Variants in SIN3A observed in about 807,000 individuals in gnomAD.
The protein encoded by SIN3A is SIN3 transcription regulator family member A.
A neutral mutation model predicts 146.1 loss-of-function variants in SIN3A; 14 were observed. The ratio of observed to expected loss-of-function variants is 0.10; its 90% CI spans 0.06 to 0.15. The LOEUF is 0.15. Among genes scored for constraint, SIN3A ranks in the 10% least tolerant of loss-of-function variants. The probability of loss-of-function intolerance (pLI) is 1.00; values close to 1 mark genes in which losing one functional copy is unlikely to be tolerated. For synonymous variants in SIN3A, 572 were observed against 572.0 expected, an observed-to-expected ratio of 1.00 and a Z score of 0.00; for missense variants, 1,028 against 1,576.0, an observed-to-expected ratio of 0.65 and a Z score of 5.89.
chr15:75,407,265 G>C, intron 8 of SIN3A, 121 bp from the exon 9 acceptor site: 1 of 635,906 alleles, frequency 1.6e-6, no homozygotes, highest in South Asian at 2.1e-5. Context: ...TGAAACAAAT[G>C]AGAGAACTCT....
rs1158645047 is a variant in SIN3A, at chr15:75,384,547, TTGGGGGGG to T, written c.3022-118_3022-111del. The stretch of plus-strand genomic sequence containing the variant: ...CAACTCCAAAAAGGTTTTTCTTTTT[TTGGGGGGG>T]TGGGGGGGTGCTGGCAATTTTAGAA... On this transcript the variant is annotated intron_variant, in intron 16 of 20. Coordinates refer to ENST00000394947, the MANE Select transcript of SIN3A (RefSeq NM_001145358.2). The T allele has an allele frequency of 1.5e-4, 4 of 26,544 alleles. 2 individuals carry two copies. The East Asian group carries it at 4.7e-3, about 31-fold the overall frequency. The allele number at this position is 26,544 out of a possible 1,614,324, so 1.6% of individuals were successfully genotyped here.
Position 75,414,317 on chromosome 15 carries a change from G to C in SIN3A, c.367-6C>G. 1 of 1,443,624 alleles carries C rather than the reference G, an allele frequency of 6.9e-7. No individual in the cohort carries two copies. Among genetic ancestry groups the C allele is most frequent in the South Asian group, 1.6e-5 (1 of 61,726 alleles). The allele number at this position is 1,443,624 out of a possible 1,614,324, so 89.4% of individuals were successfully genotyped here. On this transcript the variant is annotated splice_polypyrimidine_tract_variant and splice_region_variant and intron_variant, in intron 3 of 20. Coordinates refer to ENST00000394947, the MANE Select transcript of SIN3A (RefSeq NM_001145358.2). The stretch of plus-strand genomic sequence containing the variant: ...TAAGATAGCGCATCCTCCACCTGAG[G>C]CAGGGATAAATATCAAGGTTATAAA...
Position 75,371,955 on chromosome 15 carries a change from A to C in SIN3A, c.*24T>G. The C allele has an allele frequency of 6.2e-7, 1 of 1,602,692 alleles. No homozygotes were observed. The highest frequency in any genetic ancestry group is 1.1e-5 in the South Asian group (1 of 90,802). On this transcript the variant is annotated 3_prime_UTR_variant, in exon 21 of 21. Transcript: ENST00000394947. Reference sequence around the variant, plus strand: ...ACACACACATCCCCACACACACCCCAAGTTATCTGCTCTGGCTTTGCAGTT... The same window carrying C: ...ACACACACATCCCCACACACACCCCCAGTTATCTGCTCTGGCTTTGCAGTT...
At chr15:75,379,702 T>C (rs2072929276) in intron 19 of SIN3A, among the ~76,000 whole-genome samples, 1 of 152,252 alleles carries the variant, frequency 6.6e-6, no homozygotes. Context: ...GATGATACTT[T>C]CTTGGAAACC....
intron 5 of SIN3A, 50 bp downstream of exon 5, chr15:75,412,713 T>TG (rs1384768922): frequency 2.7e-6 from 4 of 1,463,472 alleles, no homozygotes; most frequent in Non-Finnish European, 3.6e-6. Context: ...CAAAGGAAGG[T>TG]GCTCTCTAGG....
chr15:75,410,027 TCAAAG>T, intron 7 of SIN3A, 36 bp from the exon 8 acceptor site: 2 of 1,610,628 alleles, frequency 1.2e-6, no homozygotes. Flanking sequence ...AATGCTCTTA[TCAAAG>T]CAAACAAATA....
chr15:75,435,990 G>C (rs560741166), intron 1 of SIN3A, among the ~76,000 whole-genome samples: 1 of 151,838 alleles, frequency 6.6e-6, no homozygotes, highest in African/African-American at 2.4e-5. Flanking sequence ...AGCTGGAAGT[G>C]GTGGCGCACA....
At chr15:75,410,424 CACAG>C in intron 6 of SIN3A, 138 bp from the exon 7 acceptor site, 1 of 746,722 alleles carries the variant, frequency 1.3e-6, no homozygotes, top group Non-Finnish European at 2.1e-6. Context: ...CCGTTCTGAC[CACAG>C]ACTTTCAAGT....
intron 1 of SIN3A, among the ~76,000 whole-genome samples, chr15:75,438,300 G>A (rs577255701): frequency 6.6e-6 from 1 of 152,208 alleles, no homozygotes; most frequent in South Asian, 2.1e-4. Flanking sequence ...AGGGTGCGGA[G>A]GGTGCAGTGA....
Position 75,381,795 on chromosome 15 carries a change from A to C in SIN3A, c.3196-90T>G, listed in dbSNP as rs573176714. 4 of 1,087,948 alleles carry C rather than the reference A, an allele frequency of 3.7e-6. No homozygotes were observed. In the African/African-American group the frequency reaches 6.3e-5, roughly 17 times the overall value. The allele number at this position is 1,087,948 out of a possible 1,614,324, so 67.4% of individuals were successfully genotyped here. A position where few individuals can be genotyped will look rare whatever the true frequency, so the allele number is the denominator to read the frequency against. On this transcript the variant is annotated intron_variant, in intron 17 of 20. Coordinates refer to ENST00000394947, the MANE Select transcript of SIN3A (RefSeq NM_001145358.2). ...GGAATGAGAGGTGCAGAGGCAATAA[A>C]CTTAGTAAACTTTGCTCCAACTGAA... is the stretch of plus-strand genomic sequence containing the variant.
At position 75,371,920 on chromosome 15, in the gene SIN3A, G is replaced by A. The variant is rs2072758312; in HGVS notation, c.*59C>T. The A allele has an allele frequency of 6.9e-7, 1 of 1,444,834 alleles. No individual in the cohort carries two copies. The highest frequency in any genetic ancestry group is 9.7e-7 in the Non-Finnish European group (1 of 1,030,886). The allele number at this position is 1,444,834 out of a possible 1,614,324, so 89.5% of individuals were successfully genotyped here. Reference sequence around the variant, plus strand: ...TTCCTTGTTTCTTCAGTGTGTGAGTGCATAGGCCCACACACACATCCCCAC... The same window carrying A: ...TTCCTTGTTTCTTCAGTGTGTGAGTACATAGGCCCACACACACATCCCCAC... On this transcript the variant is annotated 3_prime_UTR_variant, in exon 21 of 21. Transcript: ENST00000394947.
intron 12 of SIN3A, among the ~76,000 whole-genome samples, chr15:75,399,499 G>C (rs2073370611): frequency 6.6e-6 from 1 of 152,190 alleles, no homozygotes; most frequent in Non-Finnish European, 1.5e-5. Flanking sequence ...CTGCACTCCA[G>C]CCTGGGAGAC....
intron 3 of SIN3A, chr15:75,415,510 G>A (rs1053342444): frequency 6.3e-5 from 13 of 206,008 alleles, no homozygotes; most frequent in South Asian, 9.7e-5. Context: ...GAGAAGATCC[G>A]CAAGGTTGTA....
At chr15:75,397,534 A>C (rs569279913) in intron 12 of SIN3A, among the ~76,000 whole-genome samples, 1 of 152,314 alleles carries the variant, frequency 6.6e-6, no homozygotes, top group Non-Finnish European at 1.5e-5. Context: ...TCCCCAAGTA[A>C]TTCTGATATG....
intron 15 of SIN3A, among the ~76,000 whole-genome samples, chr15:75,390,633 G>C (rs2073182828): frequency 6.6e-6 from 1 of 152,212 alleles, no homozygotes; most frequent in African/African-American, 2.4e-5. Context: ...CTGGTTATCA[G>C]AGTACTGGTT....
intron 17 of SIN3A, among the ~76,000 whole-genome samples, chr15:75,382,107 G>C (rs1387258806): frequency 6.6e-6 from 1 of 152,180 alleles, no homozygotes; most frequent in Non-Finnish European, 1.5e-5. Context: ...GAATCACATG[G>C]AGAAGGTCAG....
intron 2 of SIN3A, among the ~76,000 whole-genome samples, chr15:75,429,388 A>C (rs1172409694): frequency 1.3e-5 from 2 of 152,090 alleles, no homozygotes; most frequent in South Asian, 2.1e-4. Flanking sequence ...GCACCACTAC[A>C]CCCCAACAGG....
intron 1 of SIN3A, among the ~76,000 whole-genome samples, chr15:75,435,694 G>A (rs1356914879): frequency 3.5e-4 from 45 of 128,018 alleles, no homozygotes; most frequent in African/African-American, 1.3e-3. Flanking sequence ...GTGAAACTAC[G>A]TCTCAAAAAA....
In SIN3A at chr15:75,370,141, G is replaced by T; in HGVS notation, c.*1838C>A. ...GGCATGCAGCTACTCAGGAGGCCGA[G>T]GTGGGAGGACTGCTTGAGCCTGGGA... is the stretch of plus-strand genomic sequence containing the variant. On this transcript the variant is annotated 3_prime_UTR_variant, in exon 21 of 21. Transcript: ENST00000394947. 6.6e-6 allele frequency: 1 copy of T among 152,670 alleles called. No individual in the cohort carries two copies. The highest frequency in any genetic ancestry group is 1.5e-5 in the Non-Finnish European group (1 of 68,108). 9.5% of individuals were successfully genotyped at this position (152,670 alleles called of 1,614,324 possible).
Sources: allele counts gnomAD v4.1 joint callset (sites outside exome capture counted in the v4.1 genomes callset), GRCh38; gene constraint gnomAD v4.1.1; transcripts MANE v1.5; gene names NCBI Gene and HGNC (gene_info 2026-07-23, HGNC 2026-07-21).